Variants in FBXO32 observed in about 807,000 individuals in gnomAD.
FBXO32 encodes F-box only protein 32.
A neutral mutation model predicts 48.3 loss-of-function variants in FBXO32; 15 were observed. The observed-to-expected ratio is 0.31, with a 90% CI of 0.21 to 0.48. The LOEUF (loss-of-function observed/expected upper bound fraction) is 0.48. Ranked by LOEUF, FBXO32 falls within the 20% of genes least tolerant of loss-of-function variation. The probability of loss-of-function intolerance (pLI) is 0.99; values close to 1 mark genes in which losing one functional copy is unlikely to be tolerated. For missense variants in FBXO32, 309 were observed against 432.7 expected (o/e 0.71, Z 2.54); for synonymous variants, 154 against 165.9 (o/e 0.93, Z 0.55).
chr8:123,533,856 A>G (rs1395773414), intron 2 of FBXO32, among the ~76,000 whole-genome samples: 1 of 151,578 alleles, frequency 6.6e-6, no homozygotes, highest in Non-Finnish European at 1.5e-5. Flanking sequence ...CATGCTGTGA[A>G]CAGAGCGGGG....
At position 123,498,032 on chromosome 8, in the gene FBXO32, C is replaced by A. The variant is rs1816390506; in HGVS notation, c.*5341G>T. ...AATTTATACAGAAGGACTCAGCTCA[C>A]ACAATATTAAATAAACATCTCTGCA... is the stretch of plus-strand genomic sequence containing the variant. On this transcript the variant is annotated 3_prime_UTR_variant, in exon 9 of 9. Coordinates refer to ENST00000517956, the MANE Select transcript of FBXO32 (RefSeq NM_058229.4). The A allele has an allele frequency of 6.6e-6, 1 of 152,220 alleles. No homozygotes were observed. Among genetic ancestry groups the A allele is most frequent in the Admixed American group, 6.5e-5 (1 of 15,278 alleles). 9.4% of individuals were successfully genotyped at this position (152,220 alleles called of 1,614,324 possible). A position where few individuals can be genotyped will look rare whatever the true frequency, so the allele number is the denominator to read the frequency against.
At chr8:123,524,372 A>G (rs1817027694) in intron 4 of FBXO32, among the ~76,000 whole-genome samples, 1 of 152,092 alleles carries the variant, frequency 6.6e-6, no homozygotes, top group African/African-American at 2.4e-5. Flanking sequence ...AGAGATACAG[A>G]TTTCCTCCTG....
Position 123,529,272 on chromosome 8 carries a change from T to C in FBXO32, c.372+2626A>G, listed in dbSNP as rs558159632. Reference sequence around the variant, plus strand: ...TAGATACTCTTAGATACGTGTTCTCTGTGCTGAGTCTTAAGCAATTGCCAG... The same window carrying C: ...TAGATACTCTTAGATACGTGTTCTCCGTGCTGAGTCTTAAGCAATTGCCAG... On this transcript the variant is annotated intron_variant, in intron 4 of 8. Coordinates refer to ENST00000517956, the MANE Select transcript of FBXO32 (RefSeq NM_058229.4). Among the ~76,000 whole-genome samples, 296 of 152,374 alleles carry C rather than the reference T, an allele frequency of 1.9e-3. 1 individual carries two copies. Among genetic ancestry groups the C allele is most frequent in the African/African-American group, 6.8e-3 (284 of 41,586 alleles).
chr8:123,519,722 G>T (rs1400998663), intron 4 of FBXO32, among the ~76,000 whole-genome samples: 1 of 152,054 alleles, frequency 6.6e-6, no homozygotes, highest in Non-Finnish European at 1.5e-5. Context: ...CACTCTATAG[G>T]CCCAGAGCTA....
At chr8:123,510,508 G>C (rs976551849) in intron 6 of FBXO32, among the ~76,000 whole-genome samples, 5 of 152,152 alleles carry the variant, frequency 3.3e-5, no homozygotes, top group African/African-American at 1.2e-4. Flanking sequence ...AGCTACCGGG[G>C]AGTCTAAGGT....
intron 4 of FBXO32, among the ~76,000 whole-genome samples, chr8:123,531,454 G>T (rs561266372): frequency 1.3e-5 from 2 of 152,300 alleles, no homozygotes; most frequent in East Asian, 3.9e-4. Context: ...AGGACAAGAG[G>T]GAGACAGTGA....
rs1291353305 is a variant in FBXO32, at chr8:123,519,944, C to A, written c.373-5611G>T. 4.6e-5 allele frequency among the ~76,000 whole-genome samples: 7 copies of A among 152,148 alleles called. 1 individual carries two copies. Among genetic ancestry groups the A allele is most frequent in the Admixed American group, 4.6e-4 (7 of 15,278 alleles). On this transcript the variant is annotated intron_variant, in intron 4 of 8. Coordinates refer to ENST00000517956, the MANE Select transcript of FBXO32 (RefSeq NM_058229.4). ...CTGGGATTACAGGCACCCGCCACCA[C>A]ACCTGGATAATTTTTGTATTTTTAG... is the stretch of plus-strand genomic sequence containing the variant.
rs558770356 is a variant in FBXO32 at position 123,525,153 on chromosome 8, A to T, written c.372+6745T>A. On this transcript the variant is annotated intron_variant, in intron 4 of 8. Coordinates refer to ENST00000517956, the MANE Select transcript of FBXO32 (RefSeq NM_058229.4). The surrounding 1 kb of genome is among the most constrained non-coding windows in gnomAD (Gnocchi z 4.3). The stretch of plus-strand genomic sequence containing the variant: ...TTTGCCAAACCACCAGTCAACTTAA[A>T]CTAAAACATGTTTTTGGAAAATGCT... 6.6e-6 allele frequency among the ~76,000 whole-genome samples: 1 copy of T among 152,316 alleles called. No homozygotes were observed. The highest frequency in any genetic ancestry group is 1.9e-4 in the East Asian group (1 of 5,184).
Position 123,503,412 on chromosome 8 carries a change from T to C in FBXO32, c.1029A>G (p.Ser343=), listed in dbSNP as rs1304683245. The part of the protein sequence containing the change: ...TANNPESCSV[S]LSPQDFINLF... ...AGTTGATAAAGTCCTGGGGTGAAAG[T>C]GAAACGGAGCAGCTCTCTGGGTTAT... is the stretch of plus-strand genomic sequence containing the variant. The change falls in exon 9 of 9, where the codon TCA becomes TCG. Residue 343 remains serine (S), a synonymous_variant. Transcript: ENST00000517956. 6.2e-7 allele frequency: 1 copy of C among 1,614,148 alleles called. No individual in the cohort carries two copies. The highest frequency in any genetic ancestry group is 1.1e-5 in the South Asian group (1 of 91,086).
At chr8:123,503,760 G>C (rs983504965) in intron 8 of FBXO32, among the ~76,000 whole-genome samples, 2 of 152,190 alleles carry the variant, frequency 1.3e-5, no homozygotes, top group African/African-American at 4.8e-5. Context: ...AGATCAGTAA[G>C]TGAATGTAGT....
chr8:123,532,050 G>T, intron 3 of FBXO32, 60 bp from the exon 4 acceptor site: 3 of 1,605,232 alleles, frequency 1.9e-6, no homozygotes, highest in Non-Finnish European at 2.6e-6. Context: ...ACCCAAGTAA[G>T]AATGAGCCAG....
At chr8:123,509,482 T>C (rs947176623) in intron 6 of FBXO32, among the ~76,000 whole-genome samples, 1 of 152,074 alleles carries the variant, frequency 6.6e-6, no homozygotes, top group Admixed American at 6.6e-5. Flanking sequence ...GGAGGATTGC[T>C]TGAGCCCAAA....
At chr8:123,515,208 G>A (rs1035188155) in intron 4 of FBXO32, among the ~76,000 whole-genome samples, 3 of 152,092 alleles carry the variant, frequency 2.0e-5, no homozygotes, top group Non-Finnish European at 4.4e-5. Flanking sequence ...CAAGTACCTG[G>A]CACTAATTAG....
intron 6 of FBXO32, among the ~76,000 whole-genome samples, chr8:123,508,781 C>G (rs1422967884): frequency 1.3e-5 from 2 of 152,128 alleles, no homozygotes; most frequent in African/African-American, 4.8e-5. Flanking sequence ...TTAAAACTCC[C>G]AGGCCAATTA....
At chr8:123,514,707 C>A (rs1019306390) in intron 4 of FBXO32, among the ~76,000 whole-genome samples, 11 of 152,198 alleles carry the variant, frequency 7.2e-5, no homozygotes, top group Non-Finnish European at 1.6e-4. Flanking sequence ...AATTCTTCTG[C>A]CCCCGCTTGA....
At chr8:123,523,928 G>A (rs1261325684) in intron 4 of FBXO32, among the ~76,000 whole-genome samples, 1 of 152,112 alleles carries the variant, frequency 6.6e-6, no homozygotes, top group South Asian at 2.1e-4. Flanking sequence ...TACCAGGCGC[G>A]GTTCTACAGC....
At position 123,513,354 on chromosome 8, in the gene FBXO32, T is replaced by G. The variant is rs1221557666; in HGVS notation, c.495A>C (p.Leu165=). 6.2e-7 allele frequency: 1 copy of G among 1,613,994 alleles called. No individual in the cohort carries two copies. Among genetic ancestry groups the G allele is most frequent in the Admixed American group, 1.7e-5 (1 of 60,018 alleles). ...AGAGGGTCTGGAGTAGTTCCCTTAT[T>G]AGTCTAATGTTTTGCTGGTCTTCAA... The part of the protein sequence containing the change: ...KVLEDQQNIR[L]IRELLQTLYT... Residue 165 remains leucine, a synonymous_variant, in exon 6 of 9, where the codon CTA becomes CTC. Coordinates refer to ENST00000517956, the MANE Select transcript of FBXO32 (RefSeq NM_058229.4). This position sits in a 1 kb window ranked among gnomAD's most constrained non-coding sequence, Gnocchi z 4.3.
At position 123,512,558 on chromosome 8, in the gene FBXO32, T is replaced by G. The variant is rs532034874; in HGVS notation, c.651+640A>C. Among the ~76,000 whole-genome samples the G allele has an allele frequency of 2.5e-4, 37 of 150,780 alleles. 1 individual carries two copies. The South Asian group carries it at 7.2e-3, about 29-fold the overall frequency. ...TTTTTTTTTTTTTTTTCTTGTGCCT[T>G]GGTCCTCCTGCTCACTATTAGGAGG... On this transcript the variant is annotated intron_variant, in intron 6 of 8. Coordinates refer to ENST00000517956, the MANE Select transcript of FBXO32 (RefSeq NM_058229.4).
intron 6 of FBXO32, among the ~76,000 whole-genome samples, chr8:123,507,539 G>A (rs535696892): frequency 6.6e-6 from 1 of 151,658 alleles, no homozygotes; most frequent in African/African-American, 2.4e-5. Flanking sequence ...ACCATCCCTT[G>A]AGACTTCTCT....
Sources: allele counts gnomAD v4.1 joint callset (sites outside exome capture counted in the v4.1 genomes callset), GRCh38; gene constraint gnomAD v4.1.1; non-coding constraint Gnocchi (gnomAD v3.1); transcripts MANE v1.5; gene names NCBI Gene and HGNC (gene_info 2026-07-23, HGNC 2026-07-21).